The following CSMD1 variants were observed in gnomAD, a reference collection of about 807,000 sequenced individuals.
CSMD1 encodes CUB and Sushi multiple domains 1, also known as CUB and sushi domain-containing protein 1.
In CSMD1, 213 loss-of-function variants were observed where a neutral mutation model predicts 417.5. The ratio of observed to expected loss-of-function variants is 0.51; its 90% CI spans 0.46 to 0.57. The LOEUF is 0.57. CSMD1 is among the 20% of genes least tolerant of loss of function. The pLI, the probability that CSMD1 is intolerant of heterozygous loss-of-function variation, is 0.00. For synonymous variants in CSMD1, 2,862 were observed against 1,736.8 expected (o/e 1.65, Z -16.11); for missense variants, 6,923 against 4,529.7 (o/e 1.53, Z -15.17).
chr8:3,419,845 A>G (rs1477401581), intron 12 of CSMD1, among the ~76,000 whole-genome samples: 4 of 152,176 alleles, frequency 2.6e-5, no homozygotes, highest in Non-Finnish European at 4.4e-5. Context: ...CACAGTCTGG[A>G]AGCAGGATAG....
chr8:3,978,612 T>C (rs1389693942), intron 5 of CSMD1, among the ~76,000 whole-genome samples: 1 of 152,092 alleles, frequency 6.6e-6, no homozygotes, highest in African/African-American at 2.4e-5. Flanking sequence ...GGTAAATAAT[T>C]GGAAGGAAAC....
At chr8:3,516,073 C>G (rs937694205) in intron 10 of CSMD1, among the ~76,000 whole-genome samples, 6 of 151,946 alleles carry the variant, frequency 3.9e-5, no homozygotes, top group African/African-American at 1.2e-4. Context: ...AACTGGGAAA[C>G]TGGAGCTCAG....
At chr8:3,266,794 A>C (rs1585858410) in intron 26 of CSMD1, among the ~76,000 whole-genome samples, 1 of 151,606 alleles carries the variant, frequency 6.6e-6, no homozygotes, top group Non-Finnish European at 1.5e-5. Context: ...CAAAAAAAAA[A>C]AAAAAGGACC....
chr8:4,403,501 A>C (rs891207224), intron 3 of CSMD1, among the ~76,000 whole-genome samples: 1 of 151,938 alleles, frequency 6.6e-6, no homozygotes, highest in Non-Finnish European at 1.5e-5. Flanking sequence ...GTGAAAAATC[A>C]CCTCTCCTCA....
intron 52 of CSMD1, among the ~76,000 whole-genome samples, chr8:3,013,169 C>G (rs575530619): frequency 5.6e-4 from 85 of 152,294 alleles, no homozygotes; most frequent in Non-Finnish European, 1.0e-3. Context: ...ATTACAAACC[C>G]ATGAATGGAA....
rs115303561 is a variant in CSMD1, at chr8:3,176,884, T to C, written c.5725+4226A>G. On this transcript the variant is annotated intron_variant, in intron 37 of 69. Transcript: ENST00000635120. ...GCCTCGGCCTCCTGGGCTCAACGGA[T>C]CATCCCACCTCAGCCTCCTGTGTAG... Among the ~76,000 whole-genome samples the C allele has an allele frequency of 8.4e-3, 1,269 of 151,868 alleles. 13 individuals are homozygous for C. Among genetic ancestry groups the C allele is most frequent in the African/African-American group, 0.029 (1,219 of 41,428 alleles).
chr8:3,294,798 T>G (rs1803841905), intron 25 of CSMD1, among the ~76,000 whole-genome samples: 1 of 152,144 alleles, frequency 6.6e-6, no homozygotes, highest in South Asian at 2.1e-4. Context: ...TCCCCCTGCT[T>G]TGGCTCCCGC....
intron 4 of CSMD1, among the ~76,000 whole-genome samples, chr8:4,024,229 C>G (rs1440582563): frequency 6.6e-6 from 1 of 152,018 alleles, no homozygotes; most frequent in Non-Finnish European, 1.5e-5. Flanking sequence ...AGTGATGTAA[C>G]ATATTAATAC....
intron 3 of CSMD1, among the ~76,000 whole-genome samples, chr8:4,073,338 T>C (rs970842886): frequency 2.6e-5 from 4 of 152,174 alleles, no homozygotes; most frequent in African/African-American, 9.7e-5. Context: ...TTGTGAAAGC[T>C]GACAGTTCTT....
At chr8:3,410,668 T>A (rs1812636121) in intron 12 of CSMD1, among the ~76,000 whole-genome samples, 1 of 152,216 alleles carries the variant, frequency 6.6e-6, no homozygotes, top group Non-Finnish European at 1.5e-5. Flanking sequence ...TTGCCCAGTC[T>A]TGGGTATGTC....
At chr8:4,281,574 TTC>T in intron 3 of CSMD1, among the ~76,000 whole-genome samples, 1 of 152,340 alleles carries the variant, frequency 6.6e-6, no homozygotes, top group Middle Eastern at 3.4e-3. Context: ...ACTGTTCTTT[TTC>T]TGTTTTTTGA....
intron 37 of CSMD1, among the ~76,000 whole-genome samples, 183 bp from the exon 38 acceptor site, chr8:3,162,460 G>A (rs1314936465): frequency 6.6e-6 from 1 of 152,058 alleles, no homozygotes; most frequent in Non-Finnish European, 1.5e-5. Context: ...TGAGTTAATT[G>A]TTAAAAATTA....
intron 3 of CSMD1, among the ~76,000 whole-genome samples, chr8:4,190,371 C>G (rs1290272162): frequency 6.6e-6 from 1 of 151,910 alleles, no homozygotes; most frequent in Middle Eastern, 3.4e-3. Flanking sequence ...GTTTCCTCAC[C>G]AATGAAGCAG....
At chr8:3,376,542 TG>T (rs564540819) in intron 18 of CSMD1, among the ~76,000 whole-genome samples, 2 of 152,230 alleles carry the variant, frequency 1.3e-5, no homozygotes, top group African/African-American at 4.8e-5. Flanking sequence ...AATGTGCAGT[TG>T]AACTACTTGC....
chr8:4,399,674 A>T (rs1299784693), intron 3 of CSMD1, among the ~76,000 whole-genome samples: 2 of 152,110 alleles, frequency 1.3e-5, no homozygotes, highest in East Asian at 3.8e-4. Flanking sequence ...TCTGCAGCTG[A>T]ATTTATTAGT....
chr8:4,497,731 T>A (rs1452878152), intron 2 of CSMD1, among the ~76,000 whole-genome samples: 1 of 152,186 alleles, frequency 6.6e-6, no homozygotes. Flanking sequence ...ACAACTCCTT[T>A]CAGCACAAAG....
chr8:3,149,820 T>A (rs527659479), intron 40 of CSMD1, among the ~76,000 whole-genome samples: 2 of 152,160 alleles, frequency 1.3e-5, no homozygotes, highest in African/African-American at 4.8e-5. Flanking sequence ...GGAGCCCCTG[T>A]GCCTTAACTC....
chr8:3,962,308 G>T (rs2688344), intron 5 of CSMD1, among the ~76,000 whole-genome samples: 107,645 of 152,060 alleles, frequency 0.71, 38,823 homozygotes, highest in East Asian at 0.94. Context: ...CTTGGGATTT[G>T]GTTCCAGCAG....
intron 3 of CSMD1, among the ~76,000 whole-genome samples, chr8:4,200,507 G>C (rs762756955): frequency 1.3e-5 from 2 of 152,142 alleles, no homozygotes; most frequent in Non-Finnish European, 2.9e-5. Context: ...GGTAAAAAAT[G>C]AGAAATTATT....
Sources: allele counts gnomAD v4.1 joint callset (sites outside exome capture counted in the v4.1 genomes callset), GRCh38; gene constraint gnomAD v4.1.1; transcripts MANE v1.5; gene names NCBI Gene and HGNC (gene_info 2026-07-23, HGNC 2026-07-21).